FCRL4: variants seen among roughly 807,000 people sequenced by gnomAD.
FCRL4 encodes the protein Fc receptor-like protein 4.
A neutral mutation model predicts 64.1 loss-of-function variants in FCRL4; 43 were observed. That is an observed-to-expected ratio of 0.67 (90% CI 0.53 to 0.87). The LOEUF (loss-of-function observed/expected upper bound fraction) is 0.87, where lower values mean the gene tolerates loss of function less well. FCRL4 is among the 40% of genes least tolerant of loss of function. FCRL4 has a pLI of 0.00. For missense variants in FCRL4, 656 were observed against 613.5 expected (o/e 1.07, Z -0.73); for synonymous variants, 253 against 239.8 (o/e 1.05, Z -0.51).
chr1:157,586,923 A>C (rs1652713471), intron 5 of FCRL4, among the ~76,000 whole-genome samples: 1 of 152,226 alleles, frequency 6.6e-6, no homozygotes, highest in African/African-American at 2.4e-5. Flanking sequence ...GAAAAGGTGG[A>C]TGCTTGTCTT....
chr1:157,597,487 G>C (rs1652991763), intron 1 of FCRL4, among the ~76,000 whole-genome samples: 1 of 152,132 alleles, frequency 6.6e-6, no homozygotes. Flanking sequence ...GAACAGGTTT[G>C]AACTTAGAAT....
chr1:157,590,980 G>A (rs2101685938), intron 2 of FCRL4, among the ~76,000 whole-genome samples: 1 of 152,286 alleles, frequency 6.6e-6, no homozygotes, highest in East Asian at 1.9e-4. Context: ...GTACAAGGAA[G>A]AATTACAGAG....
chr1:157,597,762 C>G, intron 1 of FCRL4, 152 bp downstream of exon 1: 1 of 587,314 alleles, frequency 1.7e-6, no homozygotes, highest in Non-Finnish European at 3.1e-6. Context: ...TTTTCCCCTT[C>G]TACCAGTAAA....
chr1:157,584,293 C>A (rs918162148), intron 6 of FCRL4, among the ~76,000 whole-genome samples: 3 of 152,104 alleles, frequency 2.0e-5, no homozygotes, highest in African/African-American at 7.2e-5. Flanking sequence ...CTCCCCTAAT[C>A]TGATTCTTGA....
chr1:157,575,298 T>G lies in FCRL4; in HGVS notation c.*226A>C, dbSNP rs902458554. On this transcript the variant is annotated 3_prime_UTR_variant, in exon 12 of 12. Transcript: ENST00000271532. ...ACAGCAAATACTACAGGGTCTTCTC[T>G]TAACTGTGGATCCTGGTCATTTTAG... is the stretch of plus-strand genomic sequence containing the variant. 1.4e-5 allele frequency: 8 copies of G among 563,090 alleles called. 1 individual carries two copies. The South Asian group carries it at 1.6e-4, about 11-fold the overall frequency. The allele number at this position is 563,090 out of a possible 1,614,324, so 34.9% of individuals were successfully genotyped here. A position where few individuals can be genotyped will look rare whatever the true frequency, so the allele number is the denominator to read the frequency against.
intron 1 of FCRL4, among the ~76,000 whole-genome samples, chr1:157,597,674 G>T (rs1258786591): frequency 6.6e-6 from 1 of 152,100 alleles, no homozygotes; most frequent in East Asian, 1.9e-4. Context: ...AAGTCCATTT[G>T]GGGGTAAAAT....
chr1:157,576,799 T>C (rs1652426038), intron 10 of FCRL4, among the ~76,000 whole-genome samples: 1 of 152,220 alleles, frequency 6.6e-6, no homozygotes, highest in African/African-American at 2.4e-5. Context: ...GTGATATATG[T>C]TGGTCAAATA....
At chr1:157,581,481 T>C (rs779675280) in intron 7 of FCRL4, 50 bp downstream of exon 7, 1 of 1,518,650 alleles carries the variant, frequency 6.6e-7, no homozygotes, top group Non-Finnish European at 9.1e-7. Flanking sequence ...GCATGCTGAG[T>C]TCAGGGGAAG....
intron 6 of FCRL4, among the ~76,000 whole-genome samples, chr1:157,585,395 C>CTTCTTTCT (rs1171212642): frequency 6.2e-5 from 5 of 80,838 alleles, no homozygotes; most frequent in African/African-American, 2.4e-4. Flanking sequence ...TCTTTCTTTC[C>CTTCTTTCT]TTCTTTCTTT....
chr1:157,582,990 A>AG (rs1652596248), intron 6 of FCRL4, among the ~76,000 whole-genome samples: 1 of 152,242 alleles, frequency 6.6e-6, no homozygotes, highest in Non-Finnish European at 1.5e-5. Flanking sequence ...CCTTCCTGGT[A>AG]ACCCTATTTC....
chr1:157,580,181 A>T, intron 8 of FCRL4, 140 bp downstream of exon 8: 1 of 892,722 alleles, frequency 1.1e-6, no homozygotes, highest in Non-Finnish European at 1.8e-6. Context: ...TTCATTTTTG[A>T]CAAATTCATG....
chr1:157,586,047 A>G, intron 6 of FCRL4, 121 bp downstream of exon 6: 1 of 993,962 alleles, frequency 1.0e-6, no homozygotes, highest in Non-Finnish European at 1.5e-6. Context: ...TGTTTATCAC[A>G]GTGGAGCATG....
chr1:157,583,497 G>A (rs1460669217), intron 6 of FCRL4, among the ~76,000 whole-genome samples: 1 of 152,106 alleles, frequency 6.6e-6, no homozygotes, highest in Admixed American at 6.5e-5. Flanking sequence ...AAATCATGAG[G>A]GTGGGGCCCC....
At chr1:157,580,397 C>T in intron 7 of FCRL4, 49 bp from the exon 8 acceptor site, 2 of 1,603,594 alleles carry the variant, frequency 1.2e-6, no homozygotes, top group Non-Finnish European at 1.7e-6. Context: ...GGAGCTCTTT[C>T]TCAATGACTT....
intron 2 of FCRL4, among the ~76,000 whole-genome samples, chr1:157,593,553 A>G (rs1652885608): frequency 6.6e-6 from 1 of 152,180 alleles, no homozygotes; most frequent in African/African-American, 2.4e-5. Flanking sequence ...GTTTATCTTG[A>G]AAACATGTAT....
In FCRL4 at chr1:157,587,327, C is replaced by G. The variant is rs768133382; in HGVS notation, c.796G>C (p.Val266Leu). Residue 266 changes from valine (V) to leucine (L), a missense_variant, in exon 5 of 12, where the codon GTG (valine) becomes CTG (leucine). By Grantham distance (32) the Val-to-Leu change is conservative (BLOSUM62 1). Transcript: ENST00000271532. ...CTGTGCTTGTGGATGTTACCCCTCACTGTTTCAGCACCACACCAATAGGAT... is the reference window on the plus strand; with the variant it reads ...CTGTGCTTGTGGATGTTACCCCTCAGTGTTTCAGCACCACACCAATAGGAT... The part of the protein sequence containing the change: ...SGSYWCGAET[V>L]RGNIHKHSPS... The G allele has an allele frequency of 1.2e-6, 2 of 1,614,254 alleles. No homozygotes were observed. Among genetic ancestry groups the G allele is most frequent in the Non-Finnish European group, 1.7e-6 (2 of 1,180,042 alleles).
intron 10 of FCRL4, among the ~76,000 whole-genome samples, chr1:157,577,354 A>G (rs904448285): frequency 6.6e-6 from 1 of 152,210 alleles, no homozygotes; most frequent in Non-Finnish European, 1.5e-5. Context: ...TTTTCTAACA[A>G]AAGATCTCAA....
intron 2 of FCRL4, among the ~76,000 whole-genome samples, 181 bp from the exon 3 acceptor site, chr1:157,589,639 A>G (rs1571143311): frequency 6.6e-6 from 1 of 152,248 alleles, no homozygotes; most frequent in Non-Finnish European, 1.5e-5. Context: ...GTGGCTGCTC[A>G]GTGGTCTATA....
chr1:157,581,055 G>C (rs1199110661), intron 7 of FCRL4, among the ~76,000 whole-genome samples: 2 of 152,150 alleles, frequency 1.3e-5, no homozygotes, highest in African/African-American at 4.8e-5. Context: ...AGCCTGCTCA[G>C]AAAAGCCCCT....
Sources: allele counts gnomAD v4.1 joint callset (sites outside exome capture counted in the v4.1 genomes callset), GRCh38; gene constraint gnomAD v4.1.1; transcripts MANE v1.5; gene names NCBI Gene and HGNC (gene_info 2026-07-23, HGNC 2026-07-21).